Variants in XRCC4 observed in about 807,000 individuals in gnomAD.
XRCC4 encodes DNA repair protein XRCC4.
In XRCC4, 28 loss-of-function variants were observed where a neutral mutation model predicts 39.1. The observed-to-expected ratio is 0.72, with a 90% confidence interval of 0.53 to 0.98. The LOEUF (loss-of-function observed/expected upper bound fraction) is 0.98. Ranked by LOEUF, XRCC4 falls within the 50% of genes least tolerant of loss-of-function variation. The pLI is 0.00. For synonymous variants in XRCC4, 123 were observed against 126.4 expected (o/e 0.97, Z 0.18); for missense variants, 350 against 376.4 (o/e 0.93, Z 0.58).
intron 3 of XRCC4, among the ~76,000 whole-genome samples, chr5:83,129,462 C>CT (rs1168426547): frequency 3.9e-5 from 6 of 152,082 alleles, no homozygotes; most frequent in Admixed American, 3.9e-4. Flanking sequence ...AATGCGGGCC[C>CT]TTTTTTGGTT....
the XRCC4 span, among the ~76,000 whole-genome samples, chr5:83,361,629 T>C: frequency 6.6e-6 from 1 of 151,946 alleles, no homozygotes; most frequent in Non-Finnish European, 1.5e-5. Context: ...TTTTCTTTTT[T>C]TTTTTTTCTT....
intron 1 of XRCC4, among the ~76,000 whole-genome samples, chr5:83,086,774 A>G (rs982569840): frequency 1.3e-5 from 2 of 151,802 alleles, no homozygotes; most frequent in Non-Finnish European, 2.9e-5. Context: ...CTCAGTTTTT[A>G]TCTAGTTTTT....
intron 7 of XRCC4, among the ~76,000 whole-genome samples, chr5:83,266,203 C>T (rs889089270): frequency 2.6e-5 from 4 of 151,296 alleles, no homozygotes; most frequent in South Asian, 2.1e-4. Context: ...AATGACTCCC[C>T]GCTCATAATT....
intron 7 of XRCC4, among the ~76,000 whole-genome samples, chr5:83,276,547 G>T (rs896128874): frequency 2.7e-5 from 4 of 149,314 alleles, no homozygotes; most frequent in Non-Finnish European, 5.9e-5. Context: ...GGCATGCTCT[G>T]CCCCCTTGCC....
At chr5:83,187,649 A>G (rs917369988) in intron 3 of XRCC4, among the ~76,000 whole-genome samples, 5 of 152,206 alleles carry the variant, frequency 3.3e-5, no homozygotes, top group African/African-American at 1.2e-4. Context: ...GAGTATTTCA[A>G]GAGAGAATAG....
intron 6 of XRCC4, among the ~76,000 whole-genome samples, chr5:83,234,216 A>G (rs918651791): frequency 2.9e-4 from 44 of 152,126 alleles, no homozygotes; most frequent in Non-Finnish European, 7.4e-5. Context: ...GTGAATGTGT[A>G]ATGCTGTCTG....
intron 3 of XRCC4, among the ~76,000 whole-genome samples, chr5:83,151,993 G>A (rs142698982): frequency 2.0e-5 from 3 of 152,252 alleles, no homozygotes; most frequent in African/African-American, 7.2e-5. Flanking sequence ...GCTCCAAAGC[G>A]GAACCATGGT....
chr5:83,265,492 T>C (rs1177467749), intron 7 of XRCC4, among the ~76,000 whole-genome samples: 1 of 152,210 alleles, frequency 6.6e-6, no homozygotes, highest in Non-Finnish European at 1.5e-5. Context: ...TAATGGCCCC[T>C]TGGCCTTGTT....
chr5:83,229,545 A>G (rs1166159958), intron 6 of XRCC4, among the ~76,000 whole-genome samples: 1 of 150,348 alleles, frequency 6.7e-6, no homozygotes, highest in African/African-American at 2.4e-5. Flanking sequence ...TTTGGGGGGA[A>G]AAAAAGGTTA....
chr5:83,091,375 T>G (rs1745419741), intron 1 of XRCC4, among the ~76,000 whole-genome samples: 1 of 152,128 alleles, frequency 6.6e-6, no homozygotes, highest in African/African-American at 2.4e-5. Flanking sequence ...TTGTGATAAC[T>G]CACTCCACTA....
At chr5:83,299,179 G>GA (rs1013033500) in intron 7 of XRCC4, among the ~76,000 whole-genome samples, 7 of 151,788 alleles carry the variant, frequency 4.6e-5, no homozygotes, top group Admixed American at 6.6e-5. Flanking sequence ...TTGATTTTTG[G>GA]AAAAAATTCT....
intron 7 of XRCC4, among the ~76,000 whole-genome samples, chr5:83,311,239 A>C (rs1215385583): frequency 3.3e-5 from 5 of 152,190 alleles, no homozygotes; most frequent in Admixed American, 3.3e-4. Context: ...AGAGAGGTTG[A>C]TTGATGGGTA....
intron 6 of XRCC4, among the ~76,000 whole-genome samples, chr5:83,232,506 A>G (rs1279035655): frequency 1.3e-5 from 2 of 152,056 alleles, no homozygotes; most frequent in South Asian, 4.1e-4. Flanking sequence ...AAACTACAAG[A>G]GCAGGAGCAT....
intron 3 of XRCC4, among the ~76,000 whole-genome samples, chr5:83,136,015 C>T (rs1241171716): frequency 6.6e-6 from 1 of 152,042 alleles, no homozygotes; most frequent in African/African-American, 2.4e-5. Flanking sequence ...TTGCTTTGTT[C>T]TGGGACGTAG....
At chr5:83,219,768 TAATA>T (rs1003642318) in intron 6 of XRCC4, among the ~76,000 whole-genome samples, 7 of 152,222 alleles carry the variant, frequency 4.6e-5, no homozygotes, top group African/African-American at 1.2e-4. Flanking sequence ...TATGTCTCAT[TAATA>T]AATGTTTATA....
intron 3 of XRCC4, among the ~76,000 whole-genome samples, chr5:83,183,646 G>T (rs545891205): frequency 1.3e-5 from 2 of 152,100 alleles, no homozygotes; most frequent in African/African-American, 4.8e-5. Flanking sequence ...TTGTTTGTTT[G>T]TTTTGTTTGG....
intron 3 of XRCC4, among the ~76,000 whole-genome samples, chr5:83,187,400 A>T (rs1750501103): frequency 6.6e-6 from 1 of 152,218 alleles, no homozygotes; most frequent in Non-Finnish European, 1.5e-5. Flanking sequence ...CATCTCAAAG[A>T]TTATAACCTT....
At chr5:83,172,882 C>G (rs576917702) in intron 3 of XRCC4, among the ~76,000 whole-genome samples, 1 of 152,084 alleles carries the variant, frequency 6.6e-6, no homozygotes, top group Non-Finnish European at 1.5e-5. Context: ...TGTTGTGTCT[C>G]ACAAATTCAA....
At chr5:83,284,085 A>G (rs1754652921) in intron 7 of XRCC4, among the ~76,000 whole-genome samples, 1 of 147,876 alleles carries the variant, frequency 6.8e-6, no homozygotes, top group Non-Finnish European at 1.5e-5. Flanking sequence ...AAAACGAATA[A>G]TTCATGATGA....
Sources: gnomAD v4.1 joint callset for allele counts (sites outside exome capture counted in the v4.1 genomes callset) on GRCh38, gnomAD v4.1.1 for gene constraint, MANE v1.5 for transcripts, NCBI Gene and HGNC (gene_info 2026-07-23, HGNC 2026-07-21) for gene names.